The following DOP1B variants were observed in gnomAD, a reference collection of about 807,000 sequenced individuals.
DOP1B encodes DOP1 leucine zipper like protein B.
In DOP1B, 174 loss-of-function variants were observed where a neutral mutation model predicts 233.5. The observed-to-expected ratio is 0.75, with a 90% confidence interval of 0.66 to 0.85. The LOEUF is 0.85. DOP1B is among the 40% of genes least tolerant of loss of function. The pLI is 0.00. For missense variants in DOP1B, 2,652 were observed against 2,846.6 expected (o/e 0.93, Z 1.56); for synonymous variants, 1,190 against 1,185.6 (o/e 1.00, Z -0.08).
At chr21:36,256,448 GA>G (rs544458108) in intron 23 of DOP1B, among the ~76,000 whole-genome samples, 11 of 152,192 alleles carry the variant, frequency 7.2e-5, no homozygotes, top group Non-Finnish European at 1.3e-4. Context: ...CCAAAAAAAA[GA>G]AAATTCGTGC....
intron 12 of DOP1B, among the ~76,000 whole-genome samples, chr21:36,226,342 G>A (rs992056703): frequency 5.9e-5 from 9 of 151,452 alleles, no homozygotes; most frequent in Admixed American, 3.9e-4. Flanking sequence ...TTGTTGTCCA[G>A]GCTGGAGTGC....
At chr21:36,227,262 T>C (rs2066698765) in intron 12 of DOP1B, among the ~76,000 whole-genome samples, 1 of 145,952 alleles carries the variant, frequency 6.9e-6, no homozygotes, top group African/African-American at 2.5e-5. Context: ...AGAAAATTAA[T>C]GTGGGTCAGG....
intron 4 of DOP1B, among the ~76,000 whole-genome samples, chr21:36,201,881 A>G (rs187538402): frequency 5.9e-5 from 9 of 151,976 alleles, no homozygotes; most frequent in Admixed American, 5.3e-4. Context: ...GAAAGTGTGA[A>G]TCTGTTCCGA....
At chr21:36,240,215 C>G (rs765943612) in intron 18 of DOP1B, among the ~76,000 whole-genome samples, 17 of 152,110 alleles carry the variant, frequency 1.1e-4, no homozygotes, top group Non-Finnish European at 4.4e-5. Context: ...CACGGTGGCT[C>G]ACAACTGTAA....
At chr21:36,179,871 C>T (rs1228338195) in intron 2 of DOP1B, among the ~76,000 whole-genome samples, 1 of 152,096 alleles carries the variant, frequency 6.6e-6, no homozygotes, top group Non-Finnish European at 1.5e-5. Context: ...ACGCACGTGG[C>T]TATTTTTGTT....
At chr21:36,288,928 ACC>A in intron 34 of DOP1B, 115 bp from the exon 35 acceptor site, 2 of 1,462,770 alleles carry the variant, frequency 1.4e-6, no homozygotes, top group Non-Finnish European at 1.9e-6. Context: ...TTGTGAAAGG[ACC>A]AGCTATTCCA....
intron 4 of DOP1B, among the ~76,000 whole-genome samples, chr21:36,207,701 A>G (rs796634696): frequency 1.1e-4 from 16 of 152,112 alleles, no homozygotes; most frequent in African/African-American, 3.4e-4. Flanking sequence ...GAACCAACAC[A>G]TTCCACCGGG....
intron 2 of DOP1B, among the ~76,000 whole-genome samples, chr21:36,190,848 A>G (rs1343200032): frequency 6.6e-6 from 1 of 152,168 alleles, no homozygotes; most frequent in African/African-American, 2.4e-5. Flanking sequence ...CTTGCTGGAG[A>G]AGATTCTTGG....
intron 30 of DOP1B, among the ~76,000 whole-genome samples, chr21:36,279,762 A>G (rs923049473): frequency 6.6e-6 from 1 of 152,104 alleles, no homozygotes; most frequent in African/African-American, 2.4e-5. Flanking sequence ...TAAACTGGAA[A>G]AAGTCATCAT....
chr21:36,289,232 T>C, intron 35 of DOP1B, 26 bp downstream of exon 35: 1 of 1,600,338 alleles, frequency 6.2e-7, no homozygotes, highest in Non-Finnish European at 8.5e-7. Flanking sequence ...TCGTGTGTCC[T>C]TTTTGAAGTA....
chr21:36,174,825 T>C (rs1284542694), intron 2 of DOP1B, among the ~76,000 whole-genome samples: 1 of 152,172 alleles, frequency 6.6e-6, no homozygotes, highest in Non-Finnish European at 1.5e-5. Flanking sequence ...TACCCCTGCC[T>C]GAATCAACTC....
At chr21:36,185,625 G>A (rs978518513) in intron 2 of DOP1B, among the ~76,000 whole-genome samples, 1 of 152,196 alleles carries the variant, frequency 6.6e-6, no homozygotes, top group African/African-American at 2.4e-5. Context: ...AGGGTTGAGG[G>A]CAACATGTAA....
chr21:36,190,046 A>G (rs1056063767), intron 2 of DOP1B, among the ~76,000 whole-genome samples: 5 of 151,124 alleles, frequency 3.3e-5, no homozygotes, highest in African/African-American at 1.2e-4. Context: ...AGCTGGGCAC[A>G]GTGGCTTACA....
At position 36,292,213 on chromosome 21, in the gene DOP1B, C is replaced by A; in HGVS notation, c.6625C>A (p.Leu2209Ile). Residue 2209 changes from leucine to isoleucine, a missense_variant, in exon 36 of 37, where the codon CTT becomes ATT. Around this residue, in one of 3 missense-constraint regions of DOP1B, gnomAD observed 2,617 missense variants for 2,794.3 expected, o/e 0.94. Transcript: ENST00000691173. ...CKPHTVRILE[L>I]LKLKFGEISS... is the part of the protein sequence containing the mutation. ...ACCCCACACTGTCAGGATTCTAGAA[C>A]TTCTAAAATTAAAGTTTGGGGTAAG... 6.3e-7 allele frequency: 1 copy of A among 1,593,090 alleles called. No individual in the cohort carries two copies. The highest frequency in any genetic ancestry group is 1.2e-5 in the South Asian group (1 of 86,324).
chr21:36,161,917 A>T (rs2105751), intron 1 of DOP1B, among the ~76,000 whole-genome samples: 119,256 of 152,132 alleles, frequency 0.78, 47,368 homozygotes, highest in Non-Finnish European at 0.86. Context: ...GGTTCATCCA[A>T]GTTGCGGCGT....
chr21:36,293,076 G>A (rs993386715), intron 36 of DOP1B, among the ~76,000 whole-genome samples: 4 of 151,900 alleles, frequency 2.6e-5, no homozygotes, highest in Non-Finnish European at 5.9e-5. Context: ...CATGGTGACC[G>A]GTACCTGTAA....
chr21:36,271,969 T>G (rs2067294407), intron 27 of DOP1B, among the ~76,000 whole-genome samples: 1 of 149,620 alleles, frequency 6.7e-6, no homozygotes, highest in Non-Finnish European at 1.5e-5. Flanking sequence ...AAGCATATCT[T>G]GGGGCAAGTG....
At chr21:36,272,162 A>G (rs2067296182) in intron 27 of DOP1B, among the ~76,000 whole-genome samples, 1 of 151,326 alleles carries the variant, frequency 6.6e-6, no homozygotes, top group African/African-American at 2.4e-5. Flanking sequence ...TAATGTTCAA[A>G]TATTGTTATC....
chr21:36,217,995 A>C (rs539871042), intron 9 of DOP1B, among the ~76,000 whole-genome samples: 60 of 152,300 alleles, frequency 3.9e-4, no homozygotes, highest in Middle Eastern at 3.4e-3. Context: ...GCTCCTGCCC[A>C]ATCATAACAG....
Sources: gnomAD v4.1 joint callset for allele counts (sites outside exome capture counted in the v4.1 genomes callset) on GRCh38, gnomAD v4.1.1 for gene constraint, gnomAD v4.1.1 regional missense constraint, MANE v1.5 for transcripts, NCBI Gene and HGNC (gene_info 2026-07-23, HGNC 2026-07-21) for gene names.